CNTNAP2: variants seen among roughly 807,000 people sequenced by gnomAD.
The protein encoded by CNTNAP2 is contactin associated protein 2.
In CNTNAP2, 98 loss-of-function variants were observed where a neutral mutation model predicts 155.2. That is an observed-to-expected ratio of 0.63 (90% CI 0.54 to 0.75). The LOEUF (loss-of-function observed/expected upper bound fraction) is 0.75, where lower values mean the gene tolerates loss of function less well. Among genes scored for constraint, CNTNAP2 ranks in the 30% least tolerant of loss-of-function variants. The probability of loss-of-function intolerance (pLI) is 0.00; values close to 1 mark genes in which losing one functional copy is unlikely to be tolerated. For missense variants in CNTNAP2, 1,727 were observed against 1,688.1 expected (o/e 1.02, Z -0.40); for synonymous variants, 651 against 631.2 (o/e 1.03, Z -0.47).
chr7:147,225,906 A>AAG (rs1563123970), intron 8 of CNTNAP2, among the ~76,000 whole-genome samples: 4 of 103,598 alleles, frequency 3.9e-5, no homozygotes, highest in Middle Eastern at 4.9e-3. Context: ...AAGGAAGGAA[A>AAG]GAAGGAAGGA....
chr7:147,311,040 G>A (rs1411993776), intron 9 of CNTNAP2, among the ~76,000 whole-genome samples: 2 of 152,158 alleles, frequency 1.3e-5, no homozygotes, highest in Admixed American at 6.5e-5. Context: ...CAGGAGGAAC[G>A]TGGTCAGGTA....
At chr7:147,023,748 C>T (rs1479871163) in intron 3 of CNTNAP2, among the ~76,000 whole-genome samples, 4 of 152,190 alleles carry the variant, frequency 2.6e-5, no homozygotes, top group African/African-American at 7.2e-5. Context: ...ATCAAGTTTA[C>T]TGCCAGTTGC....
At chr7:148,370,517 A>C (rs571168506) in intron 21 of CNTNAP2, among the ~76,000 whole-genome samples, 32 of 152,172 alleles carry the variant, frequency 2.1e-4, no homozygotes, top group Non-Finnish European at 1.2e-4. Flanking sequence ...TTCTGTGGAG[A>C]TTTAGTTAGA....
intron 4 of CNTNAP2, among the ~76,000 whole-genome samples, chr7:147,078,585 A>G (rs1800040077): frequency 6.6e-6 from 1 of 152,024 alleles, no homozygotes; most frequent in Admixed American, 6.6e-5. Context: ...TGATGCCTGC[A>G]GGTTCCATTT....
intron 1 of CNTNAP2, among the ~76,000 whole-genome samples, chr7:146,489,371 T>C (rs1797105493): frequency 1.3e-5 from 2 of 152,210 alleles, no homozygotes; most frequent in African/African-American, 4.8e-5. Flanking sequence ...AGTTTTTAAC[T>C]TGTCTAATTG....
rs567079090 is a variant in CNTNAP2 at position 146,256,992 on chromosome 7, T to C, written c.97+140019T>C. Among the ~76,000 whole-genome samples the C allele has an allele frequency of 1.9e-4, 29 of 152,302 alleles. No homozygotes were observed. In the South Asian group the frequency reaches 5.6e-3, roughly 29 times the overall value. Reference sequence around the variant, plus strand: ...ATAACCGGAAAACAATTATCCACAATGTTTCAAAGCATACATTTGGTTTGT... The same window carrying C: ...ATAACCGGAAAACAATTATCCACAACGTTTCAAAGCATACATTTGGTTTGT... On this transcript the variant is annotated intron_variant, in intron 1 of 23. Transcript: ENST00000361727.
chr7:147,630,769 G>A (rs1187422212), intron 12 of CNTNAP2, among the ~76,000 whole-genome samples: 2 of 152,120 alleles, frequency 1.3e-5, no homozygotes, highest in African/African-American at 4.8e-5. Context: ...ACAAAGTCCA[G>A]CATCCCTTTA....
chr7:146,772,703 C>A (rs1802316845), intron 1 of CNTNAP2, among the ~76,000 whole-genome samples: 1 of 151,642 alleles, frequency 6.6e-6, no homozygotes, highest in African/African-American at 2.4e-5. Context: ...AGGAAAGGGG[C>A]CATGGTGGCT....
chr7:147,568,186 CAA>C (rs975910576), intron 12 of CNTNAP2, among the ~76,000 whole-genome samples: 4 of 137,436 alleles, frequency 2.9e-5, no homozygotes, highest in Non-Finnish European at 3.2e-5. Flanking sequence ...GCCTTTCCTT[CAA>C]AAAAAAAAAG....
intron 1 of CNTNAP2, among the ~76,000 whole-genome samples, chr7:146,578,038 T>A (rs1798551865): frequency 6.6e-6 from 1 of 152,118 alleles, no homozygotes; most frequent in Non-Finnish European, 1.5e-5. Context: ...TCATTTTAAT[T>A]TTCTATGCCT....
At chr7:147,722,008 G>T (rs915758528) in intron 13 of CNTNAP2, among the ~76,000 whole-genome samples, 3 of 152,122 alleles carry the variant, frequency 2.0e-5, no homozygotes, top group Admixed American at 2.0e-4. Flanking sequence ...AGTCTGTTCA[G>T]TTATAACCCA....
At chr7:147,811,020 G>C (rs1178650730) in intron 13 of CNTNAP2, among the ~76,000 whole-genome samples, 1 of 152,188 alleles carries the variant, frequency 6.6e-6, no homozygotes, top group Admixed American at 6.5e-5. Context: ...AAGTTACTAG[G>C]AAGTAGGCAT....
chr7:147,832,137 A>T (rs1184599232), intron 13 of CNTNAP2, among the ~76,000 whole-genome samples: 1 of 147,380 alleles, frequency 6.8e-6, no homozygotes, highest in Non-Finnish European at 1.5e-5. Context: ...ATATTTTTAT[A>T]TTTTTAAATA....
At chr7:147,870,262 G>A (rs539131558) in intron 13 of CNTNAP2, among the ~76,000 whole-genome samples, 4 of 152,276 alleles carry the variant, frequency 2.6e-5, no homozygotes, top group African/African-American at 7.2e-5. Flanking sequence ...GGAGGAAAGA[G>A]GGAAGGAAGG....
At chr7:147,552,075 T>A (rs1799863153) in intron 11 of CNTNAP2, among the ~76,000 whole-genome samples, 1 of 152,180 alleles carries the variant, frequency 6.6e-6, no homozygotes, top group Non-Finnish European at 1.5e-5. Context: ...TCATATGGAC[T>A]GTAAGTTACA....
In CNTNAP2 at chr7:148,052,588, T is replaced by C. The variant is rs191346551; in HGVS notation, c.2384-65530T>C. 2.6e-5 allele frequency among the ~76,000 whole-genome samples: 4 copies of C among 152,340 alleles called. No homozygotes were observed. In the East Asian group the frequency reaches 7.7e-4, roughly 29 times the overall value. On this transcript the variant is annotated intron_variant, in intron 15 of 23. Coordinates refer to ENST00000361727, the MANE Select transcript of CNTNAP2 (RefSeq NM_014141.6). ...AAGGATTTTCACCTCTAAAATTATA[T>C]TTCAAAGAAATAATTGTAGACCACA...
intron 20 of CNTNAP2, among the ~76,000 whole-genome samples, chr7:148,265,016 GA>G (rs1179213307): frequency 2.6e-5 from 4 of 152,052 alleles, no homozygotes; most frequent in Non-Finnish European, 4.4e-5. Flanking sequence ...TAAATTGTAA[GA>G]AGTATGAGGT....
chr7:147,643,332 A>G (rs1222740967), intron 13 of CNTNAP2: 1 of 152,166 alleles, frequency 6.6e-6, no homozygotes, highest in African/African-American at 2.4e-5. Context: ...TCGTAAAGTG[A>G]ATTTCAGCTT....
intron 14 of CNTNAP2, among the ~76,000 whole-genome samples, chr7:147,919,915 T>C (rs1800239111): frequency 1.3e-5 from 2 of 151,922 alleles, no homozygotes; most frequent in African/African-American, 4.8e-5. Flanking sequence ...GCTACTTCAT[T>C]GGTGTTAATT....
Sources: gnomAD v4.1 joint callset for allele counts (sites outside exome capture counted in the v4.1 genomes callset) on GRCh38, gnomAD v4.1.1 for gene constraint, MANE v1.5 for transcripts, NCBI Gene and HGNC (gene_info 2026-07-23, HGNC 2026-07-21) for gene names.